Variants in SPEG observed in about 807,000 individuals in gnomAD.
SPEG encodes the protein striated muscle preferentially expressed protein kinase.
A neutral mutation model predicts 300.4 loss-of-function variants in SPEG; 114 were observed. That is an observed-to-expected ratio of 0.38 (90% CI 0.33 to 0.44). The LOEUF (loss-of-function observed/expected upper bound fraction) is 0.44, where lower values mean the gene tolerates loss of function less well. SPEG is among the 20% of genes least tolerant of loss of function. The pLI, the probability that SPEG is intolerant of heterozygous loss-of-function variation, is 1.00. For missense variants in SPEG, 4,201 were observed against 4,586.2 expected (o/e 0.92, Z 2.43); for synonymous variants, 1,964 against 2,018.9 (o/e 0.97, Z 0.73).
intron 1 of SPEG, among the ~76,000 whole-genome samples, chr2:219,442,777 T>TCGGGCTGTTGCCCTGGTCC (rs200967288): frequency 5.8e-4 from 87 of 151,064 alleles, no homozygotes; most frequent in East Asian, 2.0e-3. Context: ...CCTCTTTCTC[T>TCGGGCTGTTGCCCTGGTCC]CGGGCTGTTG....
At chr2:219,460,632 G>A (rs952002570) in intron 6 of SPEG, 2 of 985,642 alleles carry the variant, frequency 2.0e-6, no homozygotes, top group Non-Finnish European at 2.4e-6. Flanking sequence ...AGTGAGCAGA[G>A]TGGCTAAATC....
rs1024430662 is a variant in SPEG at position 219,458,064 on chromosome 2, G to A, written c.2441-3818G>A. ...TCTGGTTTGTCTTCCCCACCACCCAGAAGGCTCCTGAGGACATGACCATGT... is the reference window on the plus strand; with the variant it reads ...TCTGGTTTGTCTTCCCCACCACCCAAAAGGCTCCTGAGGACATGACCATGT... On this transcript the variant is annotated intron_variant, in intron 6 of 40. Coordinates refer to ENST00000312358, the MANE Select transcript of SPEG (RefSeq NM_005876.5). The surrounding 1 kb of genome is among the most constrained non-coding windows in gnomAD (Gnocchi z 4.2). Among the ~76,000 whole-genome samples the A allele has an allele frequency of 1.3e-5, 2 of 152,098 alleles. No individual in the cohort carries two copies. The highest frequency in any genetic ancestry group is 2.4e-5 in the African/African-American group (1 of 41,418).
intron 3 of SPEG, among the ~76,000 whole-genome samples, chr2:219,447,149 C>A (rs1341417110): frequency 6.6e-6 from 1 of 152,092 alleles, no homozygotes; most frequent in African/African-American, 2.4e-5. Context: ...TTTTCTCCCA[C>A]ACTCCCTATT....
At position 219,459,535 on chromosome 2, in the gene SPEG, T is replaced by G. The variant is rs1332885702; in HGVS notation, c.2441-2347T>G. Among the ~76,000 whole-genome samples, 1 of 152,166 alleles carries G rather than the reference T, an allele frequency of 6.6e-6. No homozygotes were observed. The highest frequency in any genetic ancestry group is 1.5e-5 in the Non-Finnish European group (1 of 68,006). ...TCCAAGGGGCTTGAGGATGGGGGTC[T>G]GCTTCATGGCTAGATGCCCTCCAGC... On this transcript the variant is annotated intron_variant, in intron 6 of 40. Coordinates refer to ENST00000312358, the MANE Select transcript of SPEG (RefSeq NM_005876.5). The surrounding 1 kb of genome is among the most constrained non-coding windows in gnomAD (Gnocchi z 4.9).
chr2:219,435,487 TGGCTTCTCGGCTGCCCG>T, intron 1 of SPEG, 122 bp downstream of exon 1: 1 of 1,153,592 alleles, frequency 8.7e-7, no homozygotes, highest in Non-Finnish European at 1.2e-6. Context: ...CCAGGTGCCC[TGGCTTCTCGGCTGCCCG>T]GCCCCAGAAG....
chr2:219,434,848 A>G lies in SPEG; in HGVS notation c.-130A>G. ...GCCCCGGTGACCTTCTGGGTAGCAC[A>G]GGCCGAAGGCGGGCGGGCAGCAGGA... On this transcript the variant is annotated 5_prime_UTR_variant, in exon 1 of 41. Coordinates refer to ENST00000312358, the MANE Select transcript of SPEG (RefSeq NM_005876.5). 1 of 607,356 alleles carries G rather than the reference A, an allele frequency of 1.6e-6. No homozygotes were observed. The highest frequency in any genetic ancestry group is 2.7e-6 in the Non-Finnish European group (1 of 374,538). The allele number at this position is 607,356 out of a possible 1,614,324, so 37.6% of individuals were successfully genotyped here. A position where few individuals can be genotyped will look rare whatever the true frequency, so the allele number is the denominator to read the frequency against.
At position 219,482,798 on chromosome 2, in the gene SPEG, C is replaced by T. The variant is rs768403772; in HGVS notation, c.5580C>T (p.Gly1860=). ...EHPWFKTQAK[G]AEVSTDHLKL... is the part of the protein sequence containing the mutation. ...TGGGTTTGCAGACTCAGGCAAAGGG[C>T]GCAGAGGTGAGCACGGATCACCTGA... Residue 1860 remains glycine (G), a synonymous_variant, in exon 29 of 41, where the codon GGC becomes GGT. Coordinates refer to ENST00000312358, the MANE Select transcript of SPEG (RefSeq NM_005876.5). The T allele has an allele frequency of 4.3e-6, 7 of 1,613,810 alleles. No individual in the cohort carries two copies. The highest frequency in any genetic ancestry group is 3.3e-5 in the South Asian group (3 of 91,070).
In SPEG at chr2:219,480,254, C is replaced by T. The variant is rs1227173162; in HGVS notation, c.5342+114C>T. 8.5e-6 allele frequency: 10 copies of T among 1,177,280 alleles called. No homozygotes were observed. In the East Asian group the frequency reaches 1.7e-4, roughly 20 times the overall value. The allele number at this position is 1,177,280 out of a possible 1,614,324, so 72.9% of individuals were successfully genotyped here. Reference sequence around the variant, plus strand: ...AGCCTGAATTCCTCCTGAAGGTGGGCTGGAGGCATTGTTTGCAGGGTCTCC... The same window carrying T: ...AGCCTGAATTCCTCCTGAAGGTGGGTTGGAGGCATTGTTTGCAGGGTCTCC... On this transcript the variant is annotated intron_variant, in intron 25 of 40. Transcript: ENST00000312358. The surrounding 1 kb of genome is among the most constrained non-coding windows in gnomAD (Gnocchi z 5.3).
Position 219,448,963 on chromosome 2 carries a change from G to A in SPEG, c.1805G>A (p.Arg602Lys). The A allele has an allele frequency of 6.6e-7, 1 of 1,511,796 alleles. No homozygotes were observed. The highest frequency in any genetic ancestry group is 8.8e-7 in the Non-Finnish European group (1 of 1,133,526). 93.6% of individuals were successfully genotyped at this position (1,511,796 alleles called of 1,614,324 possible). The stretch of plus-strand genomic sequence containing the variant: ...GACCAATTCCCGCTGACCCGGAGCA[G>A]AGCCATCCAGGAGTGCAGGAGCCCT... The part of the protein sequence containing the change: ...RRDQFPLTRS[R>K]AIQECRSPVP... The change falls in exon 4 of 41, where the codon AGA (arginine) becomes AAA (lysine). Residue 602 changes from arginine to lysine, a missense_variant. This residue lies in a region of SPEG where 1,258 missense variants were observed against 1,293.9 expected (regional missense o/e 0.97). Coordinates refer to ENST00000312358, the MANE Select transcript of SPEG (RefSeq NM_005876.5).
intron 32 of SPEG, 34 bp downstream of exon 32, chr2:219,488,344 C>A: frequency 1.9e-6 from 3 of 1,561,016 alleles, no homozygotes; most frequent in African/African-American, 1.4e-5. Context: ...GAGAGGGAGG[C>A]CAGCAAGTGG....
chr2:219,473,303 C>T lies in SPEG; in HGVS notation c.4148-201C>T. 2 of 742,758 alleles carry T rather than the reference C, an allele frequency of 2.7e-6. No homozygotes were observed. The highest frequency in any genetic ancestry group is 4.3e-6 in the Non-Finnish European group (2 of 459,836). 46.0% of individuals were successfully genotyped at this position (742,758 alleles called of 1,614,324 possible). A position where few individuals can be genotyped will look rare whatever the true frequency, so the allele number is the denominator to read the frequency against. On this transcript the variant is annotated intron_variant, in intron 16 of 40. Transcript: ENST00000312358. This position sits in a 1 kb window ranked among gnomAD's most constrained non-coding sequence, Gnocchi z 4.6. ...CTGAAGCTCAGGCTTTGGGATCGGG[C>T]CTGCTGGGGTCCAACCCCACAACCT...
rs1350159485 is a variant in SPEG at position 219,477,501 on chromosome 2, C to T, written c.4729+56C>T. On this transcript the variant is annotated intron_variant, in intron 20 of 40. Coordinates refer to ENST00000312358, the MANE Select transcript of SPEG (RefSeq NM_005876.5). The surrounding 1 kb of genome is among the most constrained non-coding windows in gnomAD (Gnocchi z 6.4). ...GCACACCCCCTGGAATCTGATGTGACCCTCCATGCTCTGCCCAGGAAGCAG... is the reference window on the plus strand; with the variant it reads ...GCACACCCCCTGGAATCTGATGTGATCCTCCATGCTCTGCCCAGGAAGCAG... 6.7e-7 allele frequency: 1 copy of T among 1,502,992 alleles called. No individual in the cohort carries two copies. Among genetic ancestry groups the T allele is most frequent in the African/African-American group, 1.4e-5 (1 of 72,058 alleles). The allele number at this position is 1,502,992 out of a possible 1,614,324, so 93.1% of individuals were successfully genotyped here. A position where few individuals can be genotyped will look rare whatever the true frequency, so the allele number is the denominator to read the frequency against.
rs139099762 is a variant in SPEG at position 219,445,201 on chromosome 2, C to A, written c.815+40C>A. On this transcript the variant is annotated intron_variant, in intron 3 of 40. Coordinates refer to ENST00000312358, the MANE Select transcript of SPEG (RefSeq NM_005876.5). The surrounding 1 kb of genome is among the most constrained non-coding windows in gnomAD (Gnocchi z 6.1). ...TACCTGGGCCTGAACTGCCCCATCTCACCACGCTGTCCTGCGCTGCCCTCA... is the reference window on the plus strand; with the variant it reads ...TACCTGGGCCTGAACTGCCCCATCTAACCACGCTGTCCTGCGCTGCCCTCA... 7,489 of 1,523,944 alleles carry A rather than the reference C, an allele frequency of 4.9e-3. 42 individuals carry two copies. Among genetic ancestry groups the A allele is most frequent in the African/African-American group, 0.018 (1,274 of 72,590 alleles). The allele number at this position is 1,523,944 out of a possible 1,614,324, so 94.4% of individuals were successfully genotyped here. A position where few individuals can be genotyped will look rare whatever the true frequency, so the allele number is the denominator to read the frequency against.
rs61280107 is a variant in SPEG, at chr2:219,446,975, C to CTTTTTT, written c.816-988_816-983dup. Among the ~76,000 whole-genome samples the CTTTTTT allele has an allele frequency of 2.5e-5, 3 of 122,234 alleles. 1 individual carries two copies. Among genetic ancestry groups the CTTTTTT allele is most frequent in the Non-Finnish European group, 3.3e-5 (2 of 61,054 alleles). The allele number at this position is 122,234 out of a possible 152,430, so 80.2% of individuals were successfully genotyped here. ...TCAGGTATGATAATACATTTAATTC[C>CTTTTTT]TTTTTTTTTTTTTTTTGCTTATCTT... is the stretch of plus-strand genomic sequence containing the variant. On this transcript the variant is annotated intron_variant, in intron 3 of 40. Transcript: ENST00000312358.
At chr2:219,450,426 C>T (rs1449048872) in intron 4 of SPEG, among the ~76,000 whole-genome samples, 1 of 152,180 alleles carries the variant, frequency 6.6e-6, no homozygotes, top group Non-Finnish European at 1.5e-5. Context: ...CTTTATCTAG[C>T]TTATGGAATG....
chr2:219,437,064 G>A (rs192814508), intron 1 of SPEG, among the ~76,000 whole-genome samples: 115 of 152,182 alleles, frequency 7.6e-4, no homozygotes, highest in Non-Finnish European at 1.4e-3. Context: ...GGACACTGTG[G>A]GCCAAAGATC....
At chr2:219,440,512 A>G (rs1400375823) in intron 1 of SPEG, among the ~76,000 whole-genome samples, 2 of 152,160 alleles carry the variant, frequency 1.3e-5, no homozygotes, top group African/African-American at 4.8e-5. Flanking sequence ...CAGCCCAAAC[A>G]TTGTGCAGGC....
In SPEG at chr2:219,473,542, C is replaced by G. The variant is rs373818812; in HGVS notation, c.4186C>G (p.Pro1396Ala). The change falls in exon 17 of 41, where the codon CCA becomes GCA. Residue 1396 changes from proline (P) to alanine (A), a missense_variant. Physicochemically the swap from Pro to Ala is conservative, Grantham distance 27 (BLOSUM62 -1). Transcript: ENST00000312358. This position sits in a 1 kb window ranked among gnomAD's most constrained non-coding sequence, Gnocchi z 4.6. ...GGAGGCCCCTGCCATGCTGGACAAA[C>G]CAGACATCGTGTATGTGGTGGAGGG... ...LEEAPAMLDKPDIVYVVEGQP... is the reference protein window; with the variant it reads ...LEEAPAMLDKADIVYVVEGQP... 6 of 1,614,030 alleles carry G rather than the reference C, an allele frequency of 3.7e-6. No homozygotes were observed. The African/African-American group carries it at 8.0e-5, about 22-fold the overall frequency.
At chr2:219,461,856 T>G in intron 6 of SPEG, 26 bp from the exon 7 acceptor site, 1 of 1,609,390 alleles carries the variant, frequency 6.2e-7, no homozygotes, top group Non-Finnish European at 8.5e-7. Context: ...CCTTCCTCCC[T>G]GGTAGCTATC....
Sources: allele counts gnomAD v4.1 joint callset (sites outside exome capture counted in the v4.1 genomes callset), GRCh38; gene constraint gnomAD v4.1.1; regional missense constraint gnomAD v4.1.1; non-coding constraint Gnocchi (gnomAD v3.1); transcripts MANE v1.5; gene names NCBI Gene and HGNC (gene_info 2026-07-23, HGNC 2026-07-21).